LYPLA1: variants seen among roughly 807,000 people sequenced by gnomAD.
LYPLA1 encodes lysophospholipase 1.
Under a neutral mutation model 34.0 loss-of-function variants are expected in LYPLA1, and 17 were observed. That is an observed-to-expected ratio of 0.50 (90% confidence interval 0.34 to 0.75). The LOEUF (loss-of-function observed/expected upper bound fraction) is 0.75, where lower values mean the gene tolerates loss of function less well. Ranked by LOEUF, LYPLA1 falls within the 30% of genes least tolerant of loss-of-function variation. LYPLA1 has a pLI of 0.01. For missense variants in LYPLA1, 203 were observed against 288.8 expected (o/e 0.70, Z 2.15); for synonymous variants, 98 against 100.8 (o/e 0.97, Z 0.17).
intron 3 of LYPLA1, among the ~76,000 whole-genome samples, chr8:54,065,087 G>A (rs980907652): frequency 8.5e-5 from 13 of 152,120 alleles, no homozygotes; most frequent in Admixed American, 3.9e-4. Flanking sequence ...TGCCCCAAAC[G>A]ATAAAATTAA....
intron 2 of LYPLA1, among the ~76,000 whole-genome samples, chr8:54,078,149 G>A (rs967138064): frequency 6.6e-6 from 1 of 151,862 alleles, no homozygotes; most frequent in African/African-American, 2.4e-5. Flanking sequence ...ACGGGGTTTT[G>A]CTGTGTTGGC....
At chr8:54,054,965 A>C in intron 6 of LYPLA1, 95 bp downstream of exon 6, 1 of 735,530 alleles carries the variant, frequency 1.4e-6, no homozygotes, top group Non-Finnish European at 2.3e-6. Context: ...AGATTCTATA[A>C]CATCAAAAAA....
rs1026533348 is a variant in LYPLA1, at chr8:54,065,657, T to C, written c.167+91A>G. The C allele has an allele frequency of 4.9e-6, 4 of 814,878 alleles. No homozygotes were observed. The African/African-American group carries it at 5.2e-5, about 11-fold the overall frequency. The allele number at this position is 814,878 out of a possible 1,614,324, so 50.5% of individuals were successfully genotyped here. On this transcript the variant is annotated intron_variant, in intron 3 of 8. Transcript: ENST00000316963. ...CAATATTTAAAAAGTAAAAATTAAC[T>C]GTATTCAAATACTTTTCTGGAAGGG...
intron 2 of LYPLA1, among the ~76,000 whole-genome samples, chr8:54,091,581 A>AAAGGAAGGAAGGAAGGAAGG (rs200125817): frequency 4.9e-5 from 7 of 142,380 alleles, no homozygotes; most frequent in African/African-American, 1.1e-4. Flanking sequence ...GAAAGAAAGA[A>AAAGGAAGGAAGGAAGGAAGG]AAGGAAGGAA....
intron 2 of LYPLA1, among the ~76,000 whole-genome samples, chr8:54,077,378 A>G (rs547341336): frequency 1.3e-4 from 20 of 152,302 alleles, no homozygotes; most frequent in African/African-American, 4.8e-4. Context: ...GATCAGAAAA[A>G]AGACCTATCA....
intron 2 of LYPLA1, among the ~76,000 whole-genome samples, chr8:54,085,382 G>C (rs893131882): frequency 6.6e-6 from 1 of 152,246 alleles, no homozygotes; most frequent in African/African-American, 2.4e-5. Context: ...AAAGTGCCGA[G>C]ATTGCAGCCT....
intron 2 of LYPLA1, among the ~76,000 whole-genome samples, chr8:54,091,036 T>C (rs1347340187): frequency 6.6e-6 from 1 of 152,232 alleles, no homozygotes; most frequent in Non-Finnish European, 1.5e-5. Context: ...TAATTATTTA[T>C]AGCAGCAAGA....
At chr8:54,073,355 C>G in intron 2 of LYPLA1, 2 of 818,426 alleles carry the variant, frequency 2.4e-6, no homozygotes, top group East Asian at 2.4e-5. Flanking sequence ...AACTGTGGGT[C>G]TGTGCCCCAT....
chr8:54,071,051 T>C (rs1465098815), intron 2 of LYPLA1, among the ~76,000 whole-genome samples: 2 of 152,130 alleles, frequency 1.3e-5, no homozygotes, highest in Non-Finnish European at 2.9e-5. Flanking sequence ...AGACGAAGAA[T>C]GCATGACTGG....
At position 54,063,308 on chromosome 8, in the gene LYPLA1, A is replaced by C; in HGVS notation, c.215+20T>G. On this transcript the variant is annotated intron_variant, in intron 4 of 8. Transcript: ENST00000316963. ...ATAAGTAATATAATGTTCTTATTCA[A>C]TAAGTAAATTCTTACTTACCATGAA... The C allele has an allele frequency of 7.2e-7, 1 of 1,396,350 alleles. No individual in the cohort carries two copies. Among genetic ancestry groups the C allele is most frequent in the Non-Finnish European group, 9.7e-7 (1 of 1,026,172 alleles). The allele number at this position is 1,396,350 out of a possible 1,614,324, so 86.5% of individuals were successfully genotyped here. A position where few individuals can be genotyped will look rare whatever the true frequency, so the allele number is the denominator to read the frequency against.
chr8:54,043,951 G>GC (rs993512033), downstream of LYPLA1, among the ~76,000 whole-genome samples: 103 of 152,204 alleles, frequency 6.8e-4, no homozygotes, highest in African/African-American at 2.3e-3. Flanking sequence ...GAGTGCAGTG[G>GC]CATGATCTTG....
chr8:54,084,145 T>A lies in LYPLA1; in HGVS notation c.101+16763A>T, dbSNP rs539022084. 5.8e-3 allele frequency among the ~76,000 whole-genome samples: 695 copies of A among 120,380 alleles called. 13 individuals carry two copies. The highest frequency in any genetic ancestry group is 0.029 in the South Asian group (124 of 4,340). The allele number at this position is 120,380 out of a possible 152,430, so 79.0% of individuals were successfully genotyped here. A position where few individuals can be genotyped will look rare whatever the true frequency, so the allele number is the denominator to read the frequency against. ...CAAAGAAAAAAAAAATAAATAAATA[T>A]ATATATATATATATATATAAAATAA... is the stretch of plus-strand genomic sequence containing the variant. On this transcript the variant is annotated intron_variant, in intron 2 of 8. Coordinates refer to ENST00000316963, the MANE Select transcript of LYPLA1 (RefSeq NM_006330.4).
At chr8:54,084,036 G>A (rs1001021494) in intron 2 of LYPLA1, among the ~76,000 whole-genome samples, 1 of 151,148 alleles carries the variant, frequency 6.6e-6, no homozygotes, top group African/African-American at 2.4e-5. Flanking sequence ...TACTTGGGAG[G>A]CTGAGGCAGA....
At chr8:54,056,867 T>C (rs200555287) in intron 5 of LYPLA1, among the ~76,000 whole-genome samples, 1 of 151,866 alleles carries the variant, frequency 6.6e-6, no homozygotes, top group Non-Finnish European at 1.5e-5. Flanking sequence ...GAGCCAAGAT[T>C]GCACCACTGC....
At chr8:54,055,767 C>A (rs1342646508) in intron 5 of LYPLA1, among the ~76,000 whole-genome samples, 1 of 151,958 alleles carries the variant, frequency 6.6e-6, no homozygotes, top group African/African-American at 2.4e-5. Flanking sequence ...CCTCAGCCTC[C>A]CAAGTAGCTG....
intron 2 of LYPLA1, among the ~76,000 whole-genome samples, chr8:54,083,117 A>T (rs1436876180): frequency 6.6e-6 from 1 of 152,230 alleles, no homozygotes. Context: ...AAAATCTTTT[A>T]AAAAATTAGG....
At chr8:54,099,377 T>C (rs890031180) in intron 2 of LYPLA1, among the ~76,000 whole-genome samples, 2 of 152,146 alleles carry the variant, frequency 1.3e-5, no homozygotes, top group East Asian at 1.9e-4. Flanking sequence ...CTCGACTTAT[T>C]AGGCAAAAAA....
chr8:54,088,829 A>G (rs1808990278), intron 2 of LYPLA1, among the ~76,000 whole-genome samples: 1 of 152,216 alleles, frequency 6.6e-6, no homozygotes, highest in Non-Finnish European at 1.5e-5. Context: ...CTCCTGACTC[A>G]GCCTCCCAAG....
intron 2 of LYPLA1, among the ~76,000 whole-genome samples, chr8:54,069,097 C>G (rs1807282518): frequency 6.6e-6 from 1 of 152,154 alleles, no homozygotes; most frequent in Non-Finnish European, 1.5e-5. Context: ...AAACATAAAT[C>G]AAAGCCCCAA....
Sources: allele counts gnomAD v4.1 joint callset (sites outside exome capture counted in the v4.1 genomes callset), GRCh38; gene constraint gnomAD v4.1.1; transcripts MANE v1.5; gene names NCBI Gene and HGNC (gene_info 2026-07-23, HGNC 2026-07-21).